The following ADAMTS17 variants were observed in gnomAD, a reference collection of about 807,000 sequenced individuals.
The protein encoded by ADAMTS17 is A disintegrin and metalloproteinase with thrombospondin motifs 17.
In ADAMTS17, 113 loss-of-function variants were observed where a neutral mutation model predicts 141.5. The observed-to-expected ratio is 0.80, with a 90% CI of 0.69 to 0.93. ADAMTS17 has a LOEUF of 0.93. Ranked by LOEUF, ADAMTS17 falls within the 40% of genes least tolerant of loss-of-function variation. The pLI, the probability that ADAMTS17 is intolerant of heterozygous loss-of-function variation, is 0.00. For missense variants in ADAMTS17, 1,659 were observed against 1,517.9 expected (o/e 1.09, Z -1.54); for synonymous variants, 768 against 630.6 (o/e 1.22, Z -3.27).
At chr15:100,049,417 G>C (rs551082071) in intron 17 of ADAMTS17, among the ~76,000 whole-genome samples, 3 of 152,298 alleles carry the variant, frequency 2.0e-5, no homozygotes, top group East Asian at 3.9e-4. Context: ...CAGAATTCCT[G>C]CTTGCTGGGG....
intron 14 of ADAMTS17, among the ~76,000 whole-genome samples, chr15:100,103,476 C>T (rs1011796771): frequency 6.6e-6 from 1 of 152,166 alleles, no homozygotes; most frequent in African/African-American, 2.4e-5. Flanking sequence ...AATAGGAGGC[C>T]AATAAATTCT....
intron 15 of ADAMTS17, among the ~76,000 whole-genome samples, chr15:100,060,527 G>A (rs2033035152): frequency 6.6e-6 from 1 of 152,326 alleles, no homozygotes; most frequent in South Asian, 2.1e-4. Context: ...GAGCTGGCTG[G>A]AGGCAGATGC....
At chr15:100,190,356 C>T (rs2141586198) in intron 8 of ADAMTS17, among the ~76,000 whole-genome samples, 1 of 152,328 alleles carries the variant, frequency 6.6e-6, no homozygotes, top group Non-Finnish European at 1.5e-5. Flanking sequence ...AAAACTACCA[C>T]CTTCGCACAA....
At chr15:100,069,511 C>A (rs906753417) in intron 15 of ADAMTS17, among the ~76,000 whole-genome samples, 1 of 152,152 alleles carries the variant, frequency 6.6e-6, no homozygotes, top group African/African-American at 2.4e-5. Context: ...AGGTTACCCA[C>A]AAAGGGAAGC....
chr15:100,188,311 A>G (rs1003616978), intron 8 of ADAMTS17, among the ~76,000 whole-genome samples: 1 of 151,912 alleles, frequency 6.6e-6, no homozygotes, highest in Non-Finnish European at 1.5e-5. Flanking sequence ...TCCTGACCTC[A>G]GGTGATCTGC....
At chr15:100,137,038 C>T (rs1467726478) in intron 10 of ADAMTS17, among the ~76,000 whole-genome samples, 1 of 152,302 alleles carries the variant, frequency 6.6e-6, no homozygotes, top group Non-Finnish European at 1.5e-5. Flanking sequence ...AACGTTTGCT[C>T]AAGTACTTAG....
intron 7 of ADAMTS17, among the ~76,000 whole-genome samples, chr15:100,213,737 T>C (rs1374534471): frequency 6.6e-6 from 1 of 152,156 alleles, no homozygotes; most frequent in Non-Finnish European, 1.5e-5. Flanking sequence ...AACCTTTGAG[T>C]ATCAAACATC....
intron 15 of ADAMTS17, among the ~76,000 whole-genome samples, chr15:100,058,093 C>G (rs914555518): frequency 1.3e-5 from 2 of 151,942 alleles, no homozygotes; most frequent in Non-Finnish European, 2.9e-5. Flanking sequence ...CTGGCACACT[C>G]CACCCCTGCC....
chr15:100,119,611 T>A (rs1270768593), intron 12 of ADAMTS17, among the ~76,000 whole-genome samples: 1 of 152,224 alleles, frequency 6.6e-6, no homozygotes, highest in East Asian at 1.9e-4. Context: ...CCTTCACCTC[T>A]GACAGTGAGG....
chr15:100,132,182 AG>A (rs746748563), intron 11 of ADAMTS17, 30 bp from the exon 12 acceptor site: 1 of 1,609,434 alleles, frequency 6.2e-7, no homozygotes, highest in Non-Finnish European at 8.5e-7. Flanking sequence ...GTCGGGGCCC[AG>A]GCACTCAGCA....
chr15:100,306,623 C>G (rs1169444530), intron 3 of ADAMTS17: 1 of 454,982 alleles, frequency 2.2e-6, no homozygotes, highest in Admixed American at 2.4e-5. Flanking sequence ...CCCTGACCCA[C>G]AGAATCTATG....
chr15:100,250,042 C>T (rs549930069), intron 7 of ADAMTS17, among the ~76,000 whole-genome samples: 1 of 152,230 alleles, frequency 6.6e-6, no homozygotes, highest in East Asian at 1.9e-4. Context: ...CTTAAAAATG[C>T]TTCTGGTGGC....
At chr15:100,199,530 C>T in intron 7 of ADAMTS17, 107 bp from the exon 8 acceptor site, 1 of 918,860 alleles carries the variant, frequency 1.1e-6, no homozygotes, top group Non-Finnish European at 1.8e-6. Flanking sequence ...AGGCACACGG[C>T]AACAATGGTG....
chr15:100,144,883 G>C (rs2038828269), intron 10 of ADAMTS17, among the ~76,000 whole-genome samples: 1 of 151,658 alleles, frequency 6.6e-6, no homozygotes, highest in African/African-American at 2.4e-5. Flanking sequence ...AGAAGAGGCA[G>C]CAGCAAAATG....
intron 17 of ADAMTS17, among the ~76,000 whole-genome samples, chr15:100,051,320 CGCTT>C (rs2032121494): frequency 2.0e-5 from 3 of 152,206 alleles, no homozygotes; most frequent in Non-Finnish European, 4.4e-5. Flanking sequence ...AGCCAAACCC[CGCTT>C]CACCCATAGG....
intron 4 of ADAMTS17, among the ~76,000 whole-genome samples, chr15:100,277,472 T>C (rs1189744114): frequency 6.6e-6 from 1 of 152,176 alleles, no homozygotes. Flanking sequence ...TCTGCCTTAT[T>C]ACTACCTTAG....
At position 100,055,229 on chromosome 15, in the gene ADAMTS17, T is replaced by C. The variant is rs112060036; in HGVS notation, c.2138-1175A>G. The stretch of plus-strand genomic sequence containing the variant: ...CTCAGTCCATATCAATGAAATCAGA[T>C]TCTACTGCATTGACTGTTCTCTGCT... On this transcript the variant is annotated intron_variant, in intron 15 of 21. Coordinates refer to ENST00000268070, the MANE Select transcript of ADAMTS17 (RefSeq NM_139057.4). Among the ~76,000 whole-genome samples the C allele has an allele frequency of 5.2e-3, 785 of 152,266 alleles. 10 individuals carry two copies. The highest frequency in any genetic ancestry group is 0.018 in the African/African-American group (732 of 41,536).
intron 14 of ADAMTS17, among the ~76,000 whole-genome samples, chr15:100,104,730 GAATA>G (rs1253884509): frequency 6.6e-6 from 1 of 152,172 alleles, no homozygotes; most frequent in Non-Finnish European, 1.5e-5. Flanking sequence ...TATTATCAAT[GAATA>G]GATACAGACT....
In ADAMTS17 at chr15:100,113,261, A is replaced by G. The variant is rs527806220; in HGVS notation, c.1888+3586T>C. 3.3e-5 allele frequency among the ~76,000 whole-genome samples: 5 copies of G among 152,258 alleles called. No homozygotes were observed. The South Asian group carries it at 8.3e-4, about 25-fold the overall frequency. ...TGGTTGACGGATCCCAAAGAAGGCT[A>G]CACTCCCTTATATGTAATTCAGAAA... On this transcript the variant is annotated intron_variant, in intron 13 of 21. Coordinates refer to ENST00000268070, the MANE Select transcript of ADAMTS17 (RefSeq NM_139057.4).
Sources: allele counts gnomAD v4.1 joint callset (sites outside exome capture counted in the v4.1 genomes callset), GRCh38; gene constraint gnomAD v4.1.1; transcripts MANE v1.5; gene names NCBI Gene and HGNC (gene_info 2026-07-23, HGNC 2026-07-21).